The following COL1A2 variants were observed in gnomAD, a reference collection of about 807,000 sequenced individuals.
COL1A2 encodes the protein collagen type I alpha 2 chain.
Under a neutral mutation model 174.3 loss-of-function variants are expected in COL1A2, and 49 were observed. That is an observed-to-expected ratio of 0.28 (90% CI 0.22 to 0.36). The LOEUF is 0.36. Ranked by LOEUF, COL1A2 falls within the 10% of genes least tolerant of loss-of-function variation. COL1A2 has a pLI of 1.00. For synonymous variants in COL1A2, 655 were observed against 606.6 expected, an observed-to-expected ratio of 1.08 and a Z score of -1.17; for missense variants, 1,438 against 1,822.7, an observed-to-expected ratio of 0.79 and a Z score of 3.84.
intron 41 of COL1A2, 109 bp downstream of exon 41, chr7:94,424,552 T>G: frequency 1.0e-6 from 1 of 988,520 alleles, no homozygotes. Flanking sequence ...AAGATTTTTA[T>G]TCATGGCATT....
chr7:94,423,213 G>A, intron 40 of COL1A2, 95 bp downstream of exon 40: 3 of 1,427,272 alleles, frequency 2.1e-6, no homozygotes, highest in Non-Finnish European at 2.0e-6. Context: ...TTGTTGATGA[G>A]TATTGCAGGC....
chr7:94,421,881 A>C lies in COL1A2; in HGVS notation c.2350-18A>C. 1 of 1,603,574 alleles carries C rather than the reference A, an allele frequency of 6.2e-7. No homozygotes were observed. Among genetic ancestry groups the C allele is most frequent in the Non-Finnish European group, 8.5e-7 (1 of 1,173,610 alleles). On this transcript the variant is annotated intron_variant, in intron 38 of 51. Coordinates refer to ENST00000297268, the MANE Select transcript of COL1A2 (RefSeq NM_000089.4). ...GAGTTGATGTTGACTGTGGAATTCT[A>C]ATGTGCTTGGCTCTTAGGGTATGAC...
At chr7:94,412,746 G>A in intron 25 of COL1A2, 64 bp downstream of exon 25, 1 of 1,371,680 alleles carries the variant, frequency 7.3e-7, no homozygotes, top group Non-Finnish European at 1.0e-6. Flanking sequence ...CCAAACTCTA[G>A]TATTTATCTC....
At chr7:94,411,279 T>G in intron 23 of COL1A2, 125 bp downstream of exon 23, 1 of 788,344 alleles carries the variant, frequency 1.3e-6, no homozygotes, top group Non-Finnish European at 2.1e-6. Context: ...TTGCTGACAG[T>G]TGCATTTTTG....
intron 28 of COL1A2, 23 bp from the exon 29 acceptor site, chr7:94,414,199 T>G (rs1403323242): frequency 6.2e-7 from 1 of 1,613,448 alleles, no homozygotes; most frequent in Admixed American, 1.7e-5. Context: ...GGGATTGAGA[T>G]TTGTATTTCT....
intron 1 of COL1A2, among the ~76,000 whole-genome samples, chr7:94,396,311 T>A (rs1332953148): frequency 2.0e-5 from 2 of 101,742 alleles, no homozygotes; most frequent in Non-Finnish European, 4.2e-5. Context: ...TGCATTTGTG[T>A]GCTTGTGTGT....
chr7:94,405,311 A>G, intron 10 of COL1A2, 59 bp downstream of exon 10: 5 of 1,479,202 alleles, frequency 3.4e-6, no homozygotes, highest in Non-Finnish European at 4.7e-6. Context: ...GATAGTTGCT[A>G]AAACTAGCAT....
intron 12 of COL1A2, among the ~76,000 whole-genome samples, chr7:94,406,727 T>A (rs1791807472): frequency 6.6e-6 from 1 of 152,172 alleles, no homozygotes; most frequent in South Asian, 2.1e-4. Flanking sequence ...TCAACCTCTT[T>A]CCTGTGATTT....
At chr7:94,406,415 T>A in intron 12 of COL1A2, 112 bp downstream of exon 12, 2 of 995,262 alleles carry the variant, frequency 2.0e-6, no homozygotes, top group South Asian at 2.8e-5. Flanking sequence ...GTATTTTTAT[T>A]TTTTTTCTTT....
In COL1A2 at chr7:94,422,997, A is replaced by G. The variant is rs759914338; in HGVS notation, c.2444A>G (p.Lys815Arg). The G allele has an allele frequency of 1.4e-5, 22 of 1,613,924 alleles. 1 individual carries two copies. In the South Asian group the frequency reaches 2.4e-4, roughly 18 times the overall value. ...CCTGGTCCCCCTGGTCCTGCTGGGA[A>G]AGAAGGGCTTCGTGGTCCTCGTGGT... is the stretch of plus-strand genomic sequence containing the variant. ...GPPGPPGPAG[K>R]EGLRGPRGDQ... The change falls in exon 40 of 52, where the codon AAA becomes AGA. Residue 815 changes from lysine (K) to arginine (R), a missense_variant. Coordinates refer to ENST00000297268, the MANE Select transcript of COL1A2 (RefSeq NM_000089.4).
At chr7:94,417,439 G>C (rs1253266489) in intron 31 of COL1A2, 3 of 451,026 alleles carry the variant, frequency 6.7e-6, no homozygotes, top group Middle Eastern at 6.5e-4. Context: ...GCTTCCCATT[G>C]TCCTATCCTC....
In COL1A2 at chr7:94,415,923, C is replaced by T. The variant is rs569800347; in HGVS notation, c.1765-482C>T. On this transcript the variant is annotated intron_variant, in intron 30 of 51. Coordinates refer to ENST00000297268, the MANE Select transcript of COL1A2 (RefSeq NM_000089.4). Reference sequence around the variant, plus strand: ...AGACATATATATATATACACAAATACATATATCAAATATACATATGAATAT... The same window carrying T: ...AGACATATATATATATACACAAATATATATATCAAATATACATATGAATAT... Among the ~76,000 whole-genome samples the T allele has an allele frequency of 3.7e-3, 568 of 152,152 alleles. 4 individuals are homozygous for T. The highest frequency in any genetic ancestry group is 0.013 in the African/African-American group (545 of 41,516).
intron 48 of COL1A2, 76 bp from the exon 49 acceptor site, chr7:94,427,551 T>C: frequency 6.5e-7 from 1 of 1,541,804 alleles, no homozygotes; most frequent in Non-Finnish European, 8.9e-7. Context: ...GAAGCTCAAC[T>C]GAAAATCTGC....
At chr7:94,408,158 T>G in intron 13 of COL1A2, 25 bp from the exon 14 acceptor site, 1 of 1,612,670 alleles carries the variant, frequency 6.2e-7, no homozygotes, top group Non-Finnish European at 8.5e-7. Context: ...ATTCTGGATT[T>G]TATTGAAAAT....
chr7:94,419,458 G>A (rs757897183), intron 33 of COL1A2, 40 bp from the exon 34 acceptor site: 26 of 1,602,006 alleles, frequency 1.6e-5, no homozygotes, highest in Admixed American at 1.5e-4. Flanking sequence ...TTGATGATAC[G>A]GGGTGTTATT....
intron 16 of COL1A2, 69 bp downstream of exon 16, chr7:94,408,892 GTGTT>G: frequency 7.1e-7 from 1 of 1,402,644 alleles, no homozygotes; most frequent in Non-Finnish European, 1.0e-6. Flanking sequence ...GATTGGAACT[GTGTT>G]TGCAGATAAA....
At chr7:94,430,152 T>A in intron 51 of COL1A2, 95 bp from the exon 52 acceptor site, 1 of 1,242,708 alleles carries the variant, frequency 8.0e-7, no homozygotes, top group Non-Finnish European at 1.2e-6. Flanking sequence ...GAATGACACA[T>A]GCCAAACAGT....
Position 94,427,071 on chromosome 7 carries a change from C to A in COL1A2, c.3159+10C>A. ...TCCTGCTGGTCCTAGGGTAGGTGGA[C>A]TCAAGAGAAGACAGTTCATCTCTGA... is the stretch of plus-strand genomic sequence containing the variant. On this transcript the variant is annotated intron_variant, in intron 47 of 51. Coordinates refer to ENST00000297268, the MANE Select transcript of COL1A2 (RefSeq NM_000089.4). 1 of 1,613,794 alleles carries A rather than the reference C, an allele frequency of 6.2e-7. No individual in the cohort carries two copies. The highest frequency in any genetic ancestry group is 8.5e-7 in the Non-Finnish European group (1 of 1,179,776).
intron 48 of COL1A2, 68 bp downstream of exon 48, chr7:94,427,363 C>A: frequency 7.0e-7 from 1 of 1,431,980 alleles, no homozygotes; most frequent in Non-Finnish European, 9.6e-7. Context: ...CAGACTAAAC[C>A]AAGACAACTT....
Sources: allele counts gnomAD v4.1 joint callset (sites outside exome capture counted in the v4.1 genomes callset), GRCh38; gene constraint gnomAD v4.1.1; transcripts MANE v1.5; gene names NCBI Gene and HGNC (gene_info 2026-07-23, HGNC 2026-07-21).